Variants in NOVA1 observed in about 807,000 individuals in gnomAD.
The protein encoded by NOVA1 is NOVA alternative splicing regulator 1.
Under a neutral mutation model 38.0 loss-of-function variants are expected in NOVA1, and 7 were observed. The ratio of observed to expected loss-of-function variants is 0.18; its 90% CI spans 0.10 to 0.35. The LOEUF is 0.35. Among genes scored for constraint, NOVA1 ranks in the 10% least tolerant of loss-of-function variants. NOVA1 has a pLI of 1.00. For missense variants in NOVA1, 460 were observed against 616.0 expected, an observed-to-expected ratio of 0.75 and a Z score of 2.68; for synonymous variants, 270 against 232.5, an observed-to-expected ratio of 1.16 and a Z score of -1.47.
At chr14:26,496,775 C>G (rs1281915090) in intron 2 of NOVA1, among the ~76,000 whole-genome samples, 2 of 152,032 alleles carry the variant, frequency 1.3e-5, no homozygotes, top group Non-Finnish European at 2.9e-5. Flanking sequence ...GCTTGTTTTT[C>G]TCAGGTTTGT....
rs1266937838 is a variant in NOVA1 at position 26,500,524 on chromosome 14, A to C, written c.281-20381T>G. On this transcript the variant is annotated intron_variant, in intron 2 of 4. Coordinates refer to ENST00000539517, the MANE Select transcript of NOVA1 (RefSeq NM_002515.3). Reference sequence around the variant, plus strand: ...CAGGAGAAAAAAAAAAGAGAAACAAAAAGGATTGTCAGAACTATGATGTCT... The same window carrying C: ...CAGGAGAAAAAAAAAAGAGAAACAACAAGGATTGTCAGAACTATGATGTCT... 2.0e-5 allele frequency among the ~76,000 whole-genome samples: 3 copies of C among 152,010 alleles called. No homozygotes were observed. The East Asian group carries it at 5.8e-4, about 29-fold the overall frequency.
intron 2 of NOVA1, among the ~76,000 whole-genome samples, chr14:26,496,285 T>G (rs1798209453): frequency 1.3e-5 from 2 of 152,234 alleles, no homozygotes; most frequent in African/African-American, 4.8e-5. Context: ...TTTGGCTGCA[T>G]AAATGTCTTC....
chr14:26,567,017 A>G (rs765822155), intron 2 of NOVA1, among the ~76,000 whole-genome samples: 1 of 152,156 alleles, frequency 6.6e-6, no homozygotes, highest in Non-Finnish European at 1.5e-5. Context: ...GAGCACATAA[A>G]AAACATGAAA....
chr14:26,528,382 A>ATTGTATATTGTAT (rs1889450141), intron 2 of NOVA1, among the ~76,000 whole-genome samples: 1 of 152,180 alleles, frequency 6.6e-6, no homozygotes, highest in Admixed American at 6.5e-5. Flanking sequence ...AAGATGGTAC[A>ATTGTATATTGTAT]ATGCATATTG....
At chr14:26,499,276 A>G (rs1390280060) in intron 2 of NOVA1, among the ~76,000 whole-genome samples, 3 of 152,198 alleles carry the variant, frequency 2.0e-5, no homozygotes, top group Non-Finnish European at 2.9e-5. Context: ...TATATGTCTC[A>G]TAACATTATG....
At chr14:26,503,722 A>C (rs1162070353) in intron 2 of NOVA1, among the ~76,000 whole-genome samples, 2 of 152,092 alleles carry the variant, frequency 1.3e-5, no homozygotes, top group Non-Finnish European at 2.9e-5. Context: ...CAAAAAATAT[A>C]AAAATTAAAC....
intron 2 of NOVA1, among the ~76,000 whole-genome samples, chr14:26,564,817 C>A (rs1892037735): frequency 6.6e-6 from 1 of 152,118 alleles, no homozygotes; most frequent in Non-Finnish European, 1.5e-5. Flanking sequence ...CTATGTCCAA[C>A]TGGTAAGTCT....
chr14:26,492,254 G>A (rs894527497), intron 2 of NOVA1, among the ~76,000 whole-genome samples: 5 of 152,128 alleles, frequency 3.3e-5, no homozygotes, highest in Non-Finnish European at 5.9e-5. Flanking sequence ...TAGCTCTAGT[G>A]GCTTGCTTGA....
chr14:26,553,264 T>C (rs1891273841), intron 2 of NOVA1, among the ~76,000 whole-genome samples: 1 of 152,198 alleles, frequency 6.6e-6, no homozygotes, highest in Non-Finnish European at 1.5e-5. Flanking sequence ...GAAGACAGAC[T>C]TAAACAAATG....
chr14:26,595,547 C>G lies in NOVA1; in HGVS notation c.143G>C (p.Gly48Ala), dbSNP rs1456176104. The change falls in exon 2 of 5, where the codon GGC (glycine) becomes GCC (alanine). Residue 48 changes from glycine to alanine, a missense_variant. By Grantham distance (60) the Gly-to-Ala change is moderately conservative (BLOSUM62 0). Coordinates refer to ENST00000539517, the MANE Select transcript of NOVA1 (RefSeq NM_002515.3). ...STKRTNTGED[G>A]QYFLKVLIPS... ...TATGAGAACCTTTAGAAAATACTGG[C>G]CGTCTTCTGAAAAATGCAAAGAAAT... The G allele has an allele frequency of 6.2e-7, 1 of 1,611,570 alleles. No homozygotes were observed.
intron 3 of NOVA1, among the ~76,000 whole-genome samples, chr14:26,473,999 G>C (rs1023034217): frequency 2.6e-5 from 4 of 151,906 alleles, no homozygotes; most frequent in Non-Finnish European, 5.9e-5. Context: ...ATACTTTGCT[G>C]AGACATATGC....
intron 2 of NOVA1, among the ~76,000 whole-genome samples, chr14:26,560,207 A>C (rs1228667699): frequency 1.3e-5 from 2 of 152,152 alleles, no homozygotes; most frequent in Non-Finnish European, 2.9e-5. Context: ...TGTCATATTT[A>C]ATAATACATG....
intron 2 of NOVA1, among the ~76,000 whole-genome samples, chr14:26,503,461 A>G (rs933603365): frequency 6.6e-6 from 1 of 152,034 alleles, no homozygotes; most frequent in Non-Finnish European, 1.5e-5. Flanking sequence ...TCCATCAAAT[A>G]TCACCATATA....
intron 2 of NOVA1, among the ~76,000 whole-genome samples, chr14:26,511,562 G>A (rs1018423612): frequency 1.2e-4 from 18 of 151,996 alleles, no homozygotes; most frequent in Non-Finnish European, 2.4e-4. Flanking sequence ...GGTCATCCTG[G>A]CCAACATGGT....
intron 1 of NOVA1, chr14:26,596,469 G>A (rs918642253): frequency 1.8e-6 from 2 of 1,121,678 alleles, no homozygotes; most frequent in Middle Eastern, 2.3e-4. Context: ...GAGACACCCC[G>A]GTAAATCCAG....
At chr14:26,516,393 T>A (rs1225852458) in intron 2 of NOVA1, among the ~76,000 whole-genome samples, 1 of 152,152 alleles carries the variant, frequency 6.6e-6, no homozygotes, top group Non-Finnish European at 1.5e-5. Context: ...TTTTTCCCCT[T>A]TATGGTTAGA....
At chr14:26,525,474 A>C (rs1191413723) in intron 2 of NOVA1, among the ~76,000 whole-genome samples, 1 of 152,094 alleles carries the variant, frequency 6.6e-6, no homozygotes, top group Non-Finnish European at 1.5e-5. Context: ...TAGTAAAAAC[A>C]CTTTTGTGTA....
intron 4 of NOVA1, among the ~76,000 whole-genome samples, chr14:26,453,771 C>T (rs1203113223): frequency 6.6e-6 from 1 of 152,060 alleles, no homozygotes; most frequent in Admixed American, 6.6e-5. Flanking sequence ...TTTAATAAAA[C>T]CACATATTGA....
At chr14:26,540,274 G>C (rs547470465) in intron 2 of NOVA1, among the ~76,000 whole-genome samples, 1 of 152,112 alleles carries the variant, frequency 6.6e-6, no homozygotes, top group Admixed American at 6.5e-5. Flanking sequence ...GATTCTCACA[G>C]GAGTGCAAAC....
Sources: gnomAD v4.1 joint callset for allele counts (sites outside exome capture counted in the v4.1 genomes callset) on GRCh38, gnomAD v4.1.1 for gene constraint, MANE v1.5 for transcripts, NCBI Gene and HGNC (gene_info 2026-07-23, HGNC 2026-07-21) for gene names.